MYLK: variants seen among roughly 807,000 people sequenced by gnomAD.
The protein encoded by MYLK is myosin light chain kinase, smooth muscle.
In MYLK, 106 loss-of-function variants were observed where a neutral mutation model predicts 203.4. The ratio of observed to expected loss-of-function variants is 0.52; its 90% CI spans 0.45 to 0.61. The LOEUF is 0.61. MYLK is among the 20% of genes least tolerant of loss of function. The pLI is 0.00. For synonymous variants in MYLK, 867 were observed against 959.5 expected (o/e 0.90, Z 1.78); for missense variants, 2,072 against 2,442.3 (o/e 0.85, Z 3.20).
intron 27 of MYLK, 122 bp downstream of exon 27, chr3:123,647,102 A>G (rs2059046549): frequency 7.9e-6 from 7 of 886,074 alleles, no homozygotes; most frequent in African/African-American, 3.3e-5. Context: ...AGCATCTTAC[A>G]TATCACACTC....
intron 4 of MYLK, among the ~76,000 whole-genome samples, chr3:123,788,014 C>T (rs566827847): frequency 2.0e-5 from 3 of 152,232 alleles, no homozygotes; most frequent in African/African-American, 2.4e-5. Flanking sequence ...TGGTCATCAA[C>T]GGCCTTTTAA....
At chr3:123,774,765 C>A (rs148899079) in intron 4 of MYLK, among the ~76,000 whole-genome samples, 203 of 152,288 alleles carry the variant, frequency 1.3e-3, no homozygotes, top group African/African-American at 4.6e-3. Flanking sequence ...TAGAATGAAA[C>A]CGGCCTTCTT....
At chr3:123,678,793 G>A (rs1241045690) in intron 20 of MYLK, among the ~76,000 whole-genome samples, 1 of 152,088 alleles carries the variant, frequency 6.6e-6, no homozygotes, top group Non-Finnish European at 1.5e-5. Flanking sequence ...AAATCCAATT[G>A]ATGTACTTGT....
intron 3 of MYLK, among the ~76,000 whole-genome samples, chr3:123,813,374 G>A (rs553261426): frequency 6.6e-6 from 1 of 152,272 alleles, no homozygotes; most frequent in East Asian, 1.9e-4. Flanking sequence ...CCACATGCTG[G>A]GGCAGCTTGG....
chr3:123,800,601 C>T (rs1262480547), intron 3 of MYLK, among the ~76,000 whole-genome samples: 1 of 152,202 alleles, frequency 6.6e-6, no homozygotes, highest in Non-Finnish European at 1.5e-5. Flanking sequence ...CCTTGGAGCA[C>T]TCCTCTAAAA....
rs1445409134 is a variant in MYLK, at chr3:123,690,919, C to G, written c.3565+1816G>C. ...GGACAAGGGAATCTGCCAGCAGACT[C>G]TGGGCAAACAAAGCCTTTTAAGTTG... On this transcript the variant is annotated intron_variant, in intron 19 of 33. Transcript: ENST00000360304. 2.0e-5 allele frequency among the ~76,000 whole-genome samples: 3 copies of G among 152,060 alleles called. No homozygotes were observed. In the East Asian group the frequency reaches 5.8e-4, roughly 29 times the overall value.
chr3:123,644,086 T>A (rs1259280512), intron 27 of MYLK, among the ~76,000 whole-genome samples: 1 of 152,230 alleles, frequency 6.6e-6, no homozygotes, highest in East Asian at 1.9e-4. Context: ...ACACATTCAT[T>A]ACTATTTCCC....
At chr3:123,789,334 G>GC (rs960047158) in intron 4 of MYLK, among the ~76,000 whole-genome samples, 24 of 152,100 alleles carry the variant, frequency 1.6e-4, no homozygotes, top group African/African-American at 5.3e-4. Context: ...CTTTGACCCC[G>GC]CCCCCCCAGG....
At chr3:123,857,671 T>C (rs1233580381) in intron 2 of MYLK, among the ~76,000 whole-genome samples, 2 of 140,066 alleles carry the variant, frequency 1.4e-5, no homozygotes, top group Admixed American at 7.0e-5. Context: ...GGGGGAGGGA[T>C]AGCATTGGGA....
chr3:123,687,733 A>C (rs1482194503), intron 19 of MYLK, among the ~76,000 whole-genome samples: 1 of 150,578 alleles, frequency 6.6e-6, no homozygotes, highest in African/African-American at 2.4e-5. Context: ...GTACCGTGGT[A>C]CAATCTTGGC....
rs557503496 is a variant in MYLK, at chr3:123,738,148, T to C, written c.589-605A>G. On this transcript the variant is annotated intron_variant, in intron 7 of 33. Transcript: ENST00000360304. ...ATTTTGAGGTAGGTGGTATTATTTC[T>C]ATCTCACCGATAAGGAAACCAGGAT... Among the ~76,000 whole-genome samples, 65 of 152,172 alleles carry C rather than the reference T, an allele frequency of 4.3e-4. 1 individual carries two copies. The highest frequency in any genetic ancestry group is 1.5e-3 in the African/African-American group (63 of 41,530).
Position 123,737,474 on chromosome 3 carries a change from T to C in MYLK, c.658A>G (p.Ile220Val), listed in dbSNP as rs2062716626. The C allele has an allele frequency of 6.2e-7, 1 of 1,614,172 alleles. No homozygotes were observed. The highest frequency in any genetic ancestry group is 8.5e-7 in the Non-Finnish European group (1 of 1,180,028). Residue 220 changes from isoleucine to valine, a missense_variant, in exon 8 of 34, where the codon ATC becomes GTC. Ile to Val is a conservative substitution (Grantham distance 29, BLOSUM62 3). Around this residue, in one of 3 missense-constraint regions of MYLK, gnomAD observed 683 missense variants for 643.8 expected, o/e 1.06. Transcript: ENST00000360304. Reference sequence around the variant, plus strand: ...ACGTCATCTTGGTTGACTCCATGGATTTCCAGAACCTGCATGCCGTTCTTC... The same window carrying C: ...ACGTCATCTTGGTTGACTCCATGGACTTCCAGAACCTGCATGCCGTTCTTC... ...SEKNGMQVLE[I>V]HGVNQDDVGV...
intron 3 of MYLK, among the ~76,000 whole-genome samples, chr3:123,797,334 A>G (rs1384623312): frequency 1.3e-5 from 2 of 152,126 alleles, no homozygotes; most frequent in African/African-American, 4.8e-5. Context: ...ATATTCATTC[A>G]CTCAATTAAA....
At chr3:123,735,605 G>A in intron 8 of MYLK, 189 bp from the exon 9 acceptor site, 1 of 641,722 alleles carries the variant, frequency 1.6e-6, no homozygotes, top group Non-Finnish European at 2.8e-6. Flanking sequence ...TTCAGGTTCT[G>A]TCCTTTGGGC....
At chr3:123,775,960 C>T (rs1437176044) in intron 4 of MYLK, among the ~76,000 whole-genome samples, 14 of 152,150 alleles carry the variant, frequency 9.2e-5, no homozygotes, top group Admixed American at 1.3e-4. Context: ...ATCTTTCTGA[C>T]GACTAGGATG....
chr3:123,702,675 G>A (rs1333626467), intron 16 of MYLK, among the ~76,000 whole-genome samples: 1 of 152,160 alleles, frequency 6.6e-6, no homozygotes, highest in Non-Finnish European at 1.5e-5. Flanking sequence ...TTTTTATAAG[G>A]TAAGAAATAT....
intron 3 of MYLK, chr3:123,831,333 G>C: frequency 3.9e-6 from 5 of 1,272,578 alleles, no homozygotes; most frequent in Non-Finnish European, 3.1e-6. Flanking sequence ...GCCAGTTCAA[G>C]AATTCTGACC....
At chr3:123,858,947 C>T (rs983947600) in intron 2 of MYLK, among the ~76,000 whole-genome samples, 6 of 152,080 alleles carry the variant, frequency 3.9e-5, no homozygotes, top group Middle Eastern at 3.2e-3. Context: ...TCCCTAAAAC[C>T]GGTTATGCCC....
At chr3:123,859,130 G>A (rs1577138206) in intron 2 of MYLK, among the ~76,000 whole-genome samples, 1 of 152,106 alleles carries the variant, frequency 6.6e-6, no homozygotes, top group Non-Finnish European at 1.5e-5. Flanking sequence ...GTAAAAAACA[G>A]GGAAAAATTA....
Sources: gnomAD v4.1 joint callset for allele counts (sites outside exome capture counted in the v4.1 genomes callset) on GRCh38, gnomAD v4.1.1 for gene constraint, gnomAD v4.1.1 regional missense constraint, MANE v1.5 for transcripts, NCBI Gene and HGNC (gene_info 2026-07-23, HGNC 2026-07-21) for gene names.